The following SLC25A28 variants were observed in gnomAD, a reference collection of about 807,000 sequenced individuals.
SLC25A28 encodes the protein mitoferrin-2.
In SLC25A28, 10 loss-of-function variants were observed where a neutral mutation model predicts 31.9. The observed-to-expected ratio is 0.31, with a 90% confidence interval of 0.19 to 0.53. The LOEUF (loss-of-function observed/expected upper bound fraction) is 0.53, where lower values mean the gene tolerates loss of function less well. Among genes scored for constraint, SLC25A28 ranks in the 20% least tolerant of loss-of-function variants. The pLI, the probability that SLC25A28 is intolerant of heterozygous loss-of-function variation, is 0.95. For missense variants in SLC25A28, 256 were observed against 490.3 expected (o/e 0.52, Z 4.51); for synonymous variants, 208 against 203.6 (o/e 1.02, Z -0.19).
At chr10:99,622,392 C>T (rs927915837), upstream of SLC25A28, among the ~76,000 whole-genome samples, 20 of 152,172 alleles carry the variant, frequency 1.3e-4, no homozygotes, top group Non-Finnish European at 2.6e-4. Context: ...TTTTCTCTAG[C>T]ATATTTAGCT....
At chr10:99,659,251 A>C in the SLC25A28 span, among the ~76,000 whole-genome samples, 2 of 152,166 alleles carry the variant, frequency 1.3e-5, no homozygotes, top group Non-Finnish European at 1.5e-5. This position sits in a 1 kb window ranked among gnomAD's most constrained non-coding sequence, Gnocchi z 4.1. Context: ...CTCACCTGTG[A>C]GCTCTCCGCG....
chr10:99,620,527 A>T (rs1238908766), upstream of SLC25A28: 2 of 1,031,840 alleles, frequency 1.9e-6, no homozygotes, highest in African/African-American at 1.7e-5. Context: ...CCCTTTCCTT[A>T]CGTACGAAAA....
the SLC25A28 span, among the ~76,000 whole-genome samples, chr10:99,641,958 T>G: frequency 6.6e-6 from 1 of 152,200 alleles, no homozygotes; most frequent in Non-Finnish European, 1.5e-5. Flanking sequence ...CATGCTGTTT[T>G]GGTTACTGTA....
the SLC25A28 span, among the ~76,000 whole-genome samples, chr10:99,648,566 T>G: frequency 1.3e-5 from 2 of 152,160 alleles, no homozygotes; most frequent in Non-Finnish European, 2.9e-5. Flanking sequence ...ACAATATTGA[T>G]TCTTCCAATC....
At chr10:99,645,533 G>A in the SLC25A28 span, among the ~76,000 whole-genome samples, 24 of 152,268 alleles carry the variant, frequency 1.6e-4, no homozygotes, top group African/African-American at 5.5e-4. Context: ...TGTTATTACC[G>A]ATCGTCCAAA....
the SLC25A28 span, among the ~76,000 whole-genome samples, chr10:99,628,471 C>T: frequency 2.0e-5 from 3 of 152,198 alleles, no homozygotes; most frequent in Non-Finnish European, 4.4e-5. Context: ...TTTTCATTTT[C>T]CTTTGTCAAA....
the SLC25A28 span, among the ~76,000 whole-genome samples, chr10:99,636,274 C>G: frequency 2.0e-5 from 3 of 152,184 alleles, no homozygotes; most frequent in Admixed American, 2.0e-4. Context: ...ATCAATCACT[C>G]TCTCAGATTA....
At chr10:99,623,257 G>T (rs187914255), upstream of SLC25A28, among the ~76,000 whole-genome samples, 1 of 152,276 alleles carries the variant, frequency 6.6e-6, no homozygotes, top group East Asian at 1.9e-4. Flanking sequence ...GTGAGTGAGT[G>T]GGGAGGGAAT....
chr10:99,631,992 G>A, the SLC25A28 span, among the ~76,000 whole-genome samples: 86 of 140,094 alleles, frequency 6.1e-4, 1 homozygote, highest in Middle Eastern at 4.0e-3. Flanking sequence ...CGCCTCCCGG[G>A]TTCACGCCAT....
At chr10:99,628,287 G>A in the SLC25A28 span, among the ~76,000 whole-genome samples, 1 of 152,146 alleles carries the variant, frequency 6.6e-6, no homozygotes, top group East Asian at 1.9e-4. Context: ...CTCATGTCTC[G>A]ACTTGAGTTT....
intron 1 of SLC25A28, among the ~76,000 whole-genome samples, chr10:99,614,785 T>TGA (rs1247663689): frequency 6.6e-6 from 1 of 152,292 alleles, no homozygotes; most frequent in East Asian, 1.9e-4. Context: ...CTGAAGAGTG[T>TGA]GTCTCCCCAG....
chr10:99,619,895 A>T, intron 1 of SLC25A28, 150 bp downstream of exon 1: 2 of 736,286 alleles, frequency 2.7e-6, no homozygotes, highest in Non-Finnish European at 4.0e-6. Context: ...ACCTTGCTTG[A>T]ATGGAGTGTC....
chr10:99,654,920 T>C, the SLC25A28 span, among the ~76,000 whole-genome samples: 1 of 152,222 alleles, frequency 6.6e-6, no homozygotes, highest in East Asian at 1.9e-4. Flanking sequence ...TTTCAACATG[T>C]TGAGTTACAG....
the SLC25A28 span, among the ~76,000 whole-genome samples, chr10:99,635,537 G>A: frequency 6.6e-6 from 1 of 152,116 alleles, no homozygotes; most frequent in Non-Finnish European, 1.5e-5. Context: ...AATTAGCCTG[G>A]TGTGGTAGCA....
At chr10:99,632,147 C>T in the SLC25A28 span, among the ~76,000 whole-genome samples, 1 of 151,854 alleles carries the variant, frequency 6.6e-6, no homozygotes, top group Non-Finnish European at 1.5e-5. Flanking sequence ...CCACCCGCCT[C>T]GGCCTCCCAA....
At chr10:99,651,683 C>A in the SLC25A28 span, among the ~76,000 whole-genome samples, 1 of 151,070 alleles carries the variant, frequency 6.6e-6, no homozygotes, top group African/African-American at 2.4e-5. Flanking sequence ...CTTGAACTCC[C>A]GGGCTCACAT....
chr10:99,639,907 T>G, the SLC25A28 span, among the ~76,000 whole-genome samples: 5 of 152,044 alleles, frequency 3.3e-5, no homozygotes, highest in African/African-American at 7.2e-5. Flanking sequence ...TTCAGTTATG[T>G]GTGTACCCAG....
upstream of SLC25A28, chr10:99,620,549 G>C (rs971144722): frequency 1.4e-5 from 14 of 1,023,708 alleles, no homozygotes; most frequent in Non-Finnish European, 1.6e-5. Flanking sequence ...TCAGCCGGTA[G>C]TATTAGCGAA....
chr10:99,632,238 A>G, the SLC25A28 span, among the ~76,000 whole-genome samples: 151,370 of 152,304 alleles, frequency 0.99, 75,229 homozygotes, highest in Middle Eastern at 1. Flanking sequence ...TGACTACATA[A>G]CATTTACATT....
Sources: allele counts gnomAD v4.1 joint callset (sites outside exome capture counted in the v4.1 genomes callset), GRCh38; gene constraint gnomAD v4.1.1; non-coding constraint Gnocchi (gnomAD v3.1); transcripts MANE v1.5; gene names NCBI Gene and HGNC (gene_info 2026-07-23, HGNC 2026-07-21).